The following LY75 variants were observed in gnomAD, a reference collection of about 807,000 sequenced individuals.
The protein encoded by LY75 is C-type lectin domain family 13 member B.
LY75 carries 185 observed loss-of-function variants against 231.7 expected under a neutral mutation model. The ratio of observed to expected loss-of-function variants is 0.80; its 90% confidence interval spans 0.71 to 0.90. The LOEUF is 0.90. Ranked by LOEUF, LY75 falls within the 40% of genes least tolerant of loss-of-function variation. LY75 has a pLI of 0.00. For missense variants in LY75, 1,947 were observed against 2,050.2 expected (o/e 0.95, Z 0.97); for synonymous variants, 668 against 689.0 (o/e 0.97, Z 0.48).
chr2:159,836,556 C>A (rs1683834892), intron 25 of LY75, among the ~76,000 whole-genome samples: 1 of 152,202 alleles, frequency 6.6e-6, no homozygotes, highest in South Asian at 2.1e-4. Flanking sequence ...GCTGGCCTAA[C>A]AGACCCACTG....
chr2:159,814,537 C>A (rs1245643437), intron 31 of LY75, among the ~76,000 whole-genome samples: 1 of 151,498 alleles, frequency 6.6e-6, no homozygotes, highest in Non-Finnish European at 1.5e-5. Context: ...TGTATGTGGT[C>A]CCAGCTACTC....
chr2:159,808,621 T>C, intron 32 of LY75, 50 bp from the exon 33 acceptor site: 1 of 1,603,274 alleles, frequency 6.2e-7, no homozygotes, highest in Non-Finnish European at 8.5e-7. Flanking sequence ...ACTAGAGAAG[T>C]AGTTTATTCT....
chr2:159,864,982 C>T (rs1409738004), intron 13 of LY75, 62 bp from the exon 14 acceptor site: 6 of 1,479,652 alleles, frequency 4.1e-6, no homozygotes, highest in African/African-American at 1.4e-5. Flanking sequence ...TTAGCACTCA[C>T]ATGTCTAATG....
In LY75 at chr2:159,840,784, C is replaced by G. The variant is rs1388120639; in HGVS notation, c.3452G>C (p.Ser1151Thr). The G allele has an allele frequency of 6.2e-7, 1 of 1,613,954 alleles. No individual in the cohort carries two copies. Among genetic ancestry groups the G allele is most frequent in the African/African-American group, 1.3e-5 (1 of 74,892 alleles). ...AGAGTTGTGAAGGAGCGCCTGCACA[C>G]TGAGGAATGCCTGCTGGTAAGGGTC... ...ITDPYQQAFL[S>T]VQALLHNSSL... is the part of the protein sequence containing the mutation. Residue 1151 changes from serine (S) to threonine (T), a missense_variant, in exon 25 of 35, where the codon AGT (serine) becomes ACT (threonine). Transcript: ENST00000263636.
rs1293959792 is a variant in LY75, at chr2:159,834,107, T to C, written c.3778A>G (p.Ile1260Val). ...GTTGCCATATGCCTATTCTTTGTTA[T>C]TATGAAATTGTAGCAACAGTTCTGA... The part of the protein sequence containing the change: ...PFQNCCYNFI[I>V]TKNRHMATTQ... The change falls in exon 27 of 35, where the codon ATA (isoleucine) becomes GTA (valine). Residue 1260 changes from isoleucine to valine, a missense_variant. Ile to Val is a conservative substitution (Grantham distance 29). Coordinates refer to ENST00000263636, the MANE Select transcript of LY75 (RefSeq NM_002349.4). The C allele has an allele frequency of 6.2e-7, 1 of 1,614,044 alleles. No homozygotes were observed. The highest frequency in any genetic ancestry group is 2.2e-5 in the East Asian group (1 of 44,854).
At chr2:159,872,727 C>T (rs1487678061) in intron 12 of LY75, 134 bp from the exon 13 acceptor site, 4 of 987,824 alleles carry the variant, frequency 4.0e-6, no homozygotes, top group South Asian at 1.7e-5. Context: ...TAGGTAAATG[C>T]ACATATACTG....
At chr2:159,838,940 C>G (rs185223399) in intron 25 of LY75, among the ~76,000 whole-genome samples, 2 of 152,010 alleles carry the variant, frequency 1.3e-5, no homozygotes, top group African/African-American at 4.8e-5. Context: ...GGGTTACAGA[C>G]GCCCGCCATG....
intron 12 of LY75, among the ~76,000 whole-genome samples, chr2:159,873,244 A>T (rs1034249354): frequency 3.9e-5 from 6 of 152,200 alleles, no homozygotes; most frequent in Admixed American, 2.6e-4. Context: ...ATTTGTCCCA[A>T]TTCTTCAGTT....
chr2:159,858,808 A>C (rs998265374), intron 15 of LY75, among the ~76,000 whole-genome samples: 1 of 152,200 alleles, frequency 6.6e-6, no homozygotes, highest in African/African-American at 2.4e-5. Context: ...AAGCGACATA[A>C]AGGTCCAGCC....
chr2:159,880,803 G>A (rs1685412149), intron 8 of LY75, among the ~76,000 whole-genome samples: 2 of 152,164 alleles, frequency 1.3e-5, no homozygotes, highest in Non-Finnish European at 2.9e-5. Flanking sequence ...TCCCTTGCAT[G>A]TGCAGTTCAT....
At position 159,840,785 on chromosome 2, in the gene LY75, TG is replaced by T; in HGVS notation, c.3450del (p.Ser1151ValfsTer48). On this transcript the variant is annotated frameshift_variant, in exon 25 of 35. Transcript: ENST00000263636. LOFTEE classifies it high-confidence loss of function. ...GAGTTGTGAAGGAGCGCCTGCACAC[TG>T]AGGAATGCCTGCTGGTAAGGGTCCG... ...SITDPYQQAF[L>X]SVQALLHNSS... 2.5e-6 allele frequency: 4 copies of T among 1,614,096 alleles called. No individual in the cohort carries two copies. The highest frequency in any genetic ancestry group is 2.5e-6 in the Non-Finnish European group (3 of 1,179,974).
At position 159,804,970 on chromosome 2, in the gene LY75, A is replaced by G; in HGVS notation, c.*74T>C. 1.2e-5 allele frequency: 14 copies of G among 1,201,266 alleles called. No homozygotes were observed. Among genetic ancestry groups the G allele is most frequent in the Non-Finnish European group, 1.7e-5 (14 of 832,300 alleles). 74.4% of individuals were successfully genotyped at this position (1,201,266 alleles called of 1,614,324 possible). On this transcript the variant is annotated 3_prime_UTR_variant, in exon 35 of 35. Coordinates refer to ENST00000263636, the MANE Select transcript of LY75 (RefSeq NM_002349.4). Reference sequence around the variant, plus strand: ...AGTTCTACTTTGGAGCAGAGTAAATACTGACACTGGGACATTTTAAGTGAC... The same window carrying G: ...AGTTCTACTTTGGAGCAGAGTAAATGCTGACACTGGGACATTTTAAGTGAC...
intron 14 of LY75, among the ~76,000 whole-genome samples, chr2:159,861,302 CA>C (rs747056599): frequency 6.6e-6 from 1 of 151,854 alleles, no homozygotes; most frequent in Non-Finnish European, 1.5e-5. Flanking sequence ...TTGGAGTCAC[CA>C]ATTTTTGGTG....
intron 28 of LY75, among the ~76,000 whole-genome samples, chr2:159,820,180 C>CA (rs1411998829): frequency 3.3e-5 from 5 of 152,092 alleles, no homozygotes; most frequent in Non-Finnish European, 7.4e-5. Context: ...TTTTTGTCAT[C>CA]AAATATTCTT....
At chr2:159,808,785 GT>G in intron 32 of LY75, among the ~76,000 whole-genome samples, 1 of 152,104 alleles carries the variant, frequency 6.6e-6, no homozygotes, top group Non-Finnish European at 1.5e-5. Context: ...GAAATTTTGT[GT>G]TTCTTCAAAA....
Position 159,816,941 on chromosome 2 carries a change from C to A in LY75, c.4245G>T (p.Trp1415Cys). 6.2e-7 allele frequency: 1 copy of A among 1,614,164 alleles called. No homozygotes were observed. The highest frequency in any genetic ancestry group is 8.5e-7 in the Non-Finnish European group (1 of 1,180,022). Residue 1415 changes from tryptophan (W) to cysteine (C), a missense_variant, in exon 30 of 35, where the codon TGG becomes TGT. Physicochemically the swap from Trp to Cys is radical, Grantham distance 215 (BLOSUM62 -2). Coordinates refer to ENST00000263636, the MANE Select transcript of LY75 (RefSeq NM_002349.4). Reference sequence around the variant, plus strand: ...GAGAACACATGTTTAATGCTTCATACCATGTTACCTTTTTTTGAATAACAC... The same window carrying A: ...GAGAACACATGTTTAATGCTTCATAACATGTTACCTTTTTTTGAATAACAC... ...IYSVIQKKVT[W>C]YEALNMCSQS...
chr2:159,898,325 C>A (rs1228418060), intron 2 of LY75, among the ~76,000 whole-genome samples: 1 of 149,954 alleles, frequency 6.7e-6, no homozygotes, highest in East Asian at 2.0e-4. Context: ...ATTATTAGAT[C>A]ATTTGACTTT....
Position 159,899,050 on chromosome 2 carries a change from G to T in LY75, c.104C>A (p.Pro35His). The change falls in exon 2 of 35, where the codon CCC becomes CAC. Residue 35 changes from proline (P) to histidine (H), a missense_variant. By Grantham distance (77) the Pro-to-His change is moderately conservative (BLOSUM62 -2). Transcript: ENST00000263636. The stretch of plus-strand genomic sequence containing the variant: ...CGTATTTCCATGGACGATGGTGAAG[G>T]GGTCATTAGCTGAGTCAAATGGACA... ...AEPSGRAAND[P>H]FTIVHGNTGK... is the part of the protein sequence containing the mutation. 5.6e-6 allele frequency: 9 copies of T among 1,612,314 alleles called. No homozygotes were observed. Among genetic ancestry groups the T allele is most frequent in the Non-Finnish European group, 7.6e-6 (9 of 1,179,192 alleles).
chr2:159,878,526 C>A (rs1560096784), intron 10 of LY75, 33 bp from the exon 11 acceptor site: 2 of 1,612,860 alleles, frequency 1.2e-6, no homozygotes, highest in East Asian at 4.5e-5. Flanking sequence ...GCAAGTGTTT[C>A]ACAATGATTG....
Sources: allele counts gnomAD v4.1 joint callset (sites outside exome capture counted in the v4.1 genomes callset), GRCh38; gene constraint gnomAD v4.1.1; transcripts MANE v1.5; gene names NCBI Gene and HGNC (gene_info 2026-07-23, HGNC 2026-07-21).